The following LTBP2 variants were observed in gnomAD, a reference collection of about 807,000 sequenced individuals.
LTBP2 encodes latent-transforming growth factor beta-binding protein 2.
LTBP2 carries 103 observed loss-of-function variants against 210.6 expected under a neutral mutation model. That is an observed-to-expected ratio of 0.49 (90% CI 0.42 to 0.58). LTBP2 has a LOEUF of 0.58. Among genes scored for constraint, LTBP2 ranks in the 20% least tolerant of loss-of-function variants. The pLI, the probability that LTBP2 is intolerant of heterozygous loss-of-function variation, is 0.00. For synonymous variants in LTBP2, 1,007 were observed against 1,015.0 expected, an observed-to-expected ratio of 0.99 and a Z score of 0.15; for missense variants, 2,313 against 2,494.5, an observed-to-expected ratio of 0.93 and a Z score of 1.55.
At chr14:74,605,368 C>G (rs1448719408) in intron 1 of LTBP2, among the ~76,000 whole-genome samples, 1 of 152,220 alleles carries the variant, frequency 6.6e-6, no homozygotes, top group African/African-American at 2.4e-5. Context: ...GTCCCACCAG[C>G]CAAGAGTTGT....
Position 74,510,269 on chromosome 14 carries a change from C to T in LTBP2, c.3029-56G>A, listed in dbSNP as rs957102008. On this transcript the variant is annotated intron_variant, in intron 19 of 35. Transcript: ENST00000261978. The stretch of plus-strand genomic sequence containing the variant: ...GGCCTCCTCCCCATCCTGCAGCCCC[C>T]GCTGGCAGGCTCCAAGCATCTCAGT... 67 of 1,605,782 alleles carry T rather than the reference C, an allele frequency of 4.2e-5. No homozygotes were observed. The African/African-American group carries it at 4.3e-4, about 10-fold the overall frequency.
chr14:74,531,878 C>T (rs981532758), intron 10 of LTBP2, among the ~76,000 whole-genome samples: 3 of 152,248 alleles, frequency 2.0e-5, no homozygotes, highest in African/African-American at 7.2e-5. Context: ...ACAGGGCTGC[C>T]TGGCATACAT....
At chr14:74,571,941 T>C (rs2087984369) in intron 3 of LTBP2, among the ~76,000 whole-genome samples, 2 of 149,450 alleles carry the variant, frequency 1.3e-5, no homozygotes, top group African/African-American at 4.9e-5. Context: ...TTCACAAATA[T>C]TTTTGTAGGA....
chr14:74,604,164 C>CAAACAAAAAA (rs1273987376), intron 1 of LTBP2, among the ~76,000 whole-genome samples: 2 of 72,750 alleles, frequency 2.7e-5, no homozygotes, highest in African/African-American at 1.5e-4. Context: ...TGCCTCTCAC[C>CAAACAAAAAA]AAAAAAAAAA....
At chr14:74,552,161 G>C (rs377272390) in intron 6 of LTBP2, 26 bp downstream of exon 6, 1 of 1,565,850 alleles carries the variant, frequency 6.4e-7, no homozygotes, top group Non-Finnish European at 8.6e-7. Context: ...CCAGGGTCCC[G>C]CCGGCCCAGC....
intron 31 of LTBP2, 26 bp downstream of exon 31, chr14:74,503,900 G>A (rs1192480178): frequency 1.2e-6 from 2 of 1,613,594 alleles, no homozygotes; most frequent in Non-Finnish European, 8.5e-7. Flanking sequence ...GCCTGGGGTG[G>A]GGGCAGGGAT....
intron 1 of LTBP2, among the ~76,000 whole-genome samples, chr14:74,607,810 G>T (rs1170314365): frequency 6.6e-6 from 1 of 152,098 alleles, no homozygotes; most frequent in Non-Finnish European, 1.5e-5. Context: ...CAGGGTAGTG[G>T]TTAACTCTGG....
chr14:74,595,600 C>A (rs1020603993), intron 2 of LTBP2, among the ~76,000 whole-genome samples: 37 of 152,280 alleles, frequency 2.4e-4, no homozygotes, highest in Non-Finnish European at 4.3e-4. Context: ...GCAGCACCAG[C>A]CCCGCGCCCA....
intron 12 of LTBP2, 54 bp downstream of exon 12, chr14:74,528,429 C>T: frequency 6.3e-7 from 1 of 1,595,484 alleles, no homozygotes; most frequent in Non-Finnish European, 8.6e-7. Context: ...CTCTGAGGTG[C>T]TGGAAACTTA....
chr14:74,611,798 G>C lies in LTBP2; in HGVS notation c.147C>G (p.Asp49Glu). Residue 49 changes from aspartate to glutamate, a missense_variant, in exon 1 of 36, where the codon GAC becomes GAG. Physicochemically the swap from Asp to Glu is conservative, Grantham distance 45. Around this residue, in one of 3 missense-constraint regions of LTBP2, gnomAD observed 1,867 missense variants for 1,976.9 expected, o/e 0.94. Coordinates refer to ENST00000261978, the MANE Select transcript of LTBP2 (RefSeq NM_000428.3). ...PVGRYEPAGG[D>E]ANRLRRPGGS... ...CCCCAGGGCGCCGCAGTCGATTCGC[G>C]TCTCCACCAGCCGGCTCGTATCTCC... 6.2e-7 allele frequency: 1 copy of C among 1,611,174 alleles called. No individual in the cohort carries two copies. Among genetic ancestry groups the C allele is most frequent in the Non-Finnish European group, 8.5e-7 (1 of 1,179,624 alleles).
chr14:74,530,882 C>T (rs911284449), intron 10 of LTBP2, among the ~76,000 whole-genome samples: 6 of 152,168 alleles, frequency 3.9e-5, no homozygotes, highest in Middle Eastern at 3.2e-3. Context: ...CAAAGACTCC[C>T]GATTAATAAA....
rs1168261726 is a variant in LTBP2, at chr14:74,500,107, T to G, written c.*777A>C. ...GCTGCTGGTGCCCACAGGCTATCAC[T>G]GGGCGGATTCAGCTACTGAATATTT... On this transcript the variant is annotated 3_prime_UTR_variant, in exon 36 of 36. Transcript: ENST00000261978. 8.6e-6 allele frequency: 2 copies of G among 233,416 alleles called. No homozygotes were observed. Among genetic ancestry groups the G allele is most frequent in the Non-Finnish European group, 1.7e-5 (2 of 118,336 alleles). The allele number at this position is 233,416 out of a possible 1,614,324, so 14.5% of individuals were successfully genotyped here. A position where few individuals can be genotyped will look rare whatever the true frequency, so the allele number is the denominator to read the frequency against.
intron 8 of LTBP2, among the ~76,000 whole-genome samples, chr14:74,548,155 T>A (rs2087602092): frequency 6.6e-6 from 1 of 151,394 alleles, no homozygotes; most frequent in Admixed American, 6.6e-5. Context: ...GTGCAAGTTG[T>A]GCACTGCACA....
intron 18 of LTBP2, among the ~76,000 whole-genome samples, chr14:74,515,210 C>A (rs1478420769): frequency 1.3e-5 from 2 of 151,856 alleles, no homozygotes; most frequent in African/African-American, 4.8e-5. Context: ...CTGTCTGCAC[C>A]AGAGCCTGTG....
At chr14:74,561,620 T>A (rs895050429) in intron 3 of LTBP2, among the ~76,000 whole-genome samples, 6 of 152,216 alleles carry the variant, frequency 3.9e-5, no homozygotes, top group Admixed American at 2.6e-4. Flanking sequence ...TCAATATTTT[T>A]GAAATTTTTA....
chr14:74,594,247 C>T (rs980945866), intron 2 of LTBP2, among the ~76,000 whole-genome samples: 1 of 152,180 alleles, frequency 6.6e-6, no homozygotes, highest in Non-Finnish European at 1.5e-5. Context: ...TTGTCATCGG[C>T]TCTCTCTCCT....
chr14:74,506,437 C>G (rs2086986094), intron 27 of LTBP2, among the ~76,000 whole-genome samples: 1 of 152,214 alleles, frequency 6.6e-6, no homozygotes, highest in South Asian at 2.1e-4. Flanking sequence ...AGTGCACATT[C>G]TCCAAACCTC....
chr14:74,607,697 CTCACT>C (rs1435827298), intron 1 of LTBP2, among the ~76,000 whole-genome samples: 44 of 152,072 alleles, frequency 2.9e-4, no homozygotes, highest in Admixed American at 6.5e-4. Flanking sequence ...GAAATAGGGT[CTCACT>C]TATCTAAGTT....
chr14:74,595,007 G>A (rs1249403634), intron 2 of LTBP2, among the ~76,000 whole-genome samples: 2 of 152,240 alleles, frequency 1.3e-5, no homozygotes, highest in East Asian at 3.9e-4. Flanking sequence ...TGGGGCTCAG[G>A]GGCCGGCCAA....
Sources: gnomAD v4.1 joint callset for allele counts (sites outside exome capture counted in the v4.1 genomes callset) on GRCh38, gnomAD v4.1.1 for gene constraint, gnomAD v4.1.1 regional missense constraint, MANE v1.5 for transcripts, NCBI Gene and HGNC (gene_info 2026-07-23, HGNC 2026-07-21) for gene names.